Variants in TPST1 observed in about 807,000 individuals in gnomAD.
TPST1 encodes the protein tyrosylprotein sulfotransferase 1, also known as protein-tyrosine sulfotransferase 1.
Under a neutral mutation model 34.8 loss-of-function variants are expected in TPST1, and 20 were observed. That is an observed-to-expected ratio of 0.57 (90% CI 0.40 to 0.84). TPST1 has a LOEUF of 0.84. Ranked by LOEUF, TPST1 falls within the 40% of genes least tolerant of loss-of-function variation. The probability of loss-of-function intolerance (pLI) is 0.00; values close to 1 mark genes in which losing one functional copy is unlikely to be tolerated. For synonymous variants in TPST1, 152 were observed against 159.4 expected, an observed-to-expected ratio of 0.95 and a Z score of 0.35; for missense variants, 353 against 455.5, an observed-to-expected ratio of 0.78 and a Z score of 2.05.
chr7:66,342,889 C>T (rs903405983), intron 3 of TPST1, among the ~76,000 whole-genome samples: 1 of 152,202 alleles, frequency 6.6e-6, no homozygotes, highest in South Asian at 2.1e-4. Context: ...ACCTTCAACA[C>T]TGGGAATCAC....
upstream of TPST1, among the ~76,000 whole-genome samples, chr7:66,203,486 C>CTTT (rs373614847): frequency 7.4e-6 from 1 of 134,572 alleles, no homozygotes. Context: ...ACAAAAACTT[C>CTTT]TTTTTTTTTT....
intron 1 of TPST1, among the ~76,000 whole-genome samples, chr7:66,222,924 T>G (rs538131873): frequency 6.6e-6 from 1 of 152,310 alleles, no homozygotes; most frequent in African/African-American, 2.4e-5. Context: ...TCTTCTTCCT[T>G]TTGTAATTTC....
chr7:66,282,458 C>A (rs1436386653), intron 2 of TPST1, among the ~76,000 whole-genome samples: 1 of 152,112 alleles, frequency 6.6e-6, no homozygotes, highest in Non-Finnish European at 1.5e-5. Context: ...AGGCAGCAGG[C>A]CAGATTGGAG....
chr7:66,235,448 T>G (rs1395534460), intron 1 of TPST1, among the ~76,000 whole-genome samples: 1 of 152,216 alleles, frequency 6.6e-6, no homozygotes, highest in Non-Finnish European at 1.5e-5. Flanking sequence ...CACAAAACTA[T>G]GTGCTCAAAC....
At chr7:66,323,262 G>C (rs563788784) in intron 3 of TPST1, among the ~76,000 whole-genome samples, 1 of 152,092 alleles carries the variant, frequency 6.6e-6, no homozygotes, top group African/African-American at 2.4e-5. Flanking sequence ...GGCTGGTCTC[G>C]GACTCCTGAG....
At chr7:66,218,429 A>G (rs1458781276) in intron 1 of TPST1, among the ~76,000 whole-genome samples, 1 of 152,242 alleles carries the variant, frequency 6.6e-6, no homozygotes, top group Non-Finnish European at 1.5e-5. Flanking sequence ...ATTGAAATGT[A>G]TGAGTAAGAA....
At chr7:66,200,840 C>T (rs1411414700), upstream of TPST1, among the ~76,000 whole-genome samples, 1 of 152,184 alleles carries the variant, frequency 6.6e-6, no homozygotes, top group Non-Finnish European at 1.5e-5. Flanking sequence ...GATTCTCCTG[C>T]CTCAGCCTCC....
chr7:66,310,446 G>A (rs1791506737), intron 3 of TPST1, among the ~76,000 whole-genome samples: 1 of 152,148 alleles, frequency 6.6e-6, no homozygotes, highest in African/African-American at 2.4e-5. Context: ...TGGACTTCTT[G>A]TTATGTGTTT....
intron 2 of TPST1, among the ~76,000 whole-genome samples, chr7:66,272,611 C>T (rs982148919): frequency 1.4e-5 from 2 of 146,408 alleles, no homozygotes; most frequent in African/African-American, 5.1e-5. Flanking sequence ...TTTTCTGAGA[C>T]ATGGTTTCAC....
chr7:66,228,725 A>G (rs1272061590), intron 1 of TPST1, among the ~76,000 whole-genome samples: 2 of 152,154 alleles, frequency 1.3e-5, no homozygotes, highest in Non-Finnish European at 2.9e-5. Context: ...TTCTAGGATC[A>G]TTCCTCTGCT....
intron 3 of TPST1, among the ~76,000 whole-genome samples, chr7:66,328,896 A>C (rs1372285109): frequency 2.1e-4 from 9 of 43,812 alleles, no homozygotes; most frequent in South Asian, 6.6e-4. Context: ...CTATATATAT[A>C]TATATATATA....
intron 2 of TPST1, among the ~76,000 whole-genome samples, chr7:66,241,515 T>G (rs1362238654): frequency 6.6e-6 from 1 of 152,194 alleles, no homozygotes; most frequent in Non-Finnish European, 1.5e-5. Context: ...ATCGTGGCCC[T>G]CTTTATTTGT....
chr7:66,203,068 G>A (rs1042920981), upstream of TPST1, among the ~76,000 whole-genome samples: 10 of 151,882 alleles, frequency 6.6e-5, no homozygotes, highest in South Asian at 2.1e-4. Context: ...CAACAAGAGC[G>A]AAACTCCATC....
At chr7:66,321,364 A>G (rs1791754084) in intron 3 of TPST1, among the ~76,000 whole-genome samples, 1 of 152,244 alleles carries the variant, frequency 6.6e-6, no homozygotes, top group Non-Finnish European at 1.5e-5. Context: ...TGCACAACTG[A>G]CTTCAGGGTC....
At chr7:66,284,359 C>T (rs556167571) in intron 2 of TPST1, among the ~76,000 whole-genome samples, 4 of 91,386 alleles carry the variant, frequency 4.4e-5, no homozygotes, top group African/African-American at 1.6e-4. Context: ...TATTAATTTA[C>T]ATTTTTTTTA....
At chr7:66,217,800 G>A (rs887910994) in intron 1 of TPST1, among the ~76,000 whole-genome samples, 1 of 151,932 alleles carries the variant, frequency 6.6e-6, no homozygotes, top group Non-Finnish European at 1.5e-5. Flanking sequence ...TGACCAGGAT[G>A]GTTTTGATCT....
intron 1 of TPST1, among the ~76,000 whole-genome samples, chr7:66,214,534 T>G (rs1789347832): frequency 6.6e-6 from 1 of 151,806 alleles, no homozygotes; most frequent in South Asian, 2.1e-4. Flanking sequence ...AGAATTGGTG[T>G]TGCTGGTGCA....
At chr7:66,260,497 T>A (rs1191329341) in intron 2 of TPST1, among the ~76,000 whole-genome samples, 2 of 152,234 alleles carry the variant, frequency 1.3e-5, no homozygotes, top group East Asian at 1.9e-4. Context: ...ATAACTGTTT[T>A]AATGCATTTG....
intron 3 of TPST1, among the ~76,000 whole-genome samples, chr7:66,296,247 T>TG (rs1554349789): frequency 2.5e-5 from 1 of 40,064 alleles, no homozygotes; most frequent in Non-Finnish European, 4.7e-5. Context: ...CACCCACCCT[T>TG]CCCCCCCCCC....
Sources: gnomAD v4.1 joint callset for allele counts (sites outside exome capture counted in the v4.1 genomes callset) on GRCh38, gnomAD v4.1.1 for gene constraint, MANE v1.5 for transcripts, NCBI Gene and HGNC (gene_info 2026-07-23, HGNC 2026-07-21) for gene names.